The following CIITA variants were observed in gnomAD, a reference collection of about 807,000 sequenced individuals.
The protein encoded by CIITA is MHC class II transactivator.
Under a neutral mutation model 115.1 loss-of-function variants are expected in CIITA, and 72 were observed. That is an observed-to-expected ratio of 0.63 (90% CI 0.52 to 0.76). The LOEUF (loss-of-function observed/expected upper bound fraction) is 0.76, where lower values mean the gene tolerates loss of function less well. Ranked by LOEUF, CIITA falls within the 30% of genes least tolerant of loss-of-function variation. CIITA has a pLI of 0.00. For missense variants in CIITA, 1,617 were observed against 1,463.8 expected (o/e 1.10, Z -1.71); for synonymous variants, 763 against 635.6 (o/e 1.20, Z -3.02).
intron 1 of CIITA, among the ~76,000 whole-genome samples, chr16:10,891,243 G>A (rs1407560962): frequency 6.6e-6 from 1 of 151,964 alleles, no homozygotes; most frequent in Non-Finnish European, 1.5e-5. Flanking sequence ...TTTGACTGGG[G>A]GGAAAGAGCA....
At chr16:10,867,336 G>A (rs1262260050) in intron 1 of CIITA, among the ~76,000 whole-genome samples, 1 of 145,164 alleles carries the variant, frequency 6.9e-6, no homozygotes, top group African/African-American at 2.5e-5. Context: ...GGGGGGGCAT[G>A]TGTGCGTTTG....
rs2040184400 is a variant in CIITA at position 10,920,014 on chromosome 16, G to A, written c.3149+1488G>A. Among the ~76,000 whole-genome samples the A allele has an allele frequency of 6.6e-6, 1 of 152,144 alleles. No individual in the cohort carries two copies. Among genetic ancestry groups the A allele is most frequent in the African/African-American group, 2.4e-5 (1 of 41,432 alleles). On this transcript the variant is annotated intron_variant, in intron 16 of 19. Transcript: ENST00000324288. This position sits in a 1 kb window ranked among gnomAD's most constrained non-coding sequence, Gnocchi z 4.5. ...AGGAAGAAAGAACAGCAGGTGCAAA[G>A]GCCCTAAGTGGGAAAAGGGGCTGTG...
At position 10,907,634 on chromosome 16, in the gene CIITA, A is replaced by T; in HGVS notation, c.2142A>T (p.Gln714His). ...SELAFPSFLL[Q>H]CFLGALWLAL... ...TGGCCTTCCCCAGCTTCCTCCTGCAATGCTTCCTGGGGGCCCTGTGGCTGG... is the reference window on the plus strand; with the variant it reads ...TGGCCTTCCCCAGCTTCCTCCTGCATTGCTTCCTGGGGGCCCTGTGGCTGG... The change falls in exon 11 of 20, where the codon CAA (glutamine) becomes CAT (histidine). Residue 714 changes from glutamine to histidine, a missense_variant. Transcript: ENST00000324288. This position sits in a 1 kb window ranked among gnomAD's most constrained non-coding sequence, Gnocchi z 5.0. The T allele has an allele frequency of 6.2e-7, 1 of 1,614,186 alleles. No individual in the cohort carries two copies.
intron 13 of CIITA, among the ~76,000 whole-genome samples, chr16:10,912,674 G>A (rs973134078): frequency 1.3e-5 from 2 of 152,188 alleles, no homozygotes; most frequent in Non-Finnish European, 2.9e-5. Flanking sequence ...TAAAAATGAT[G>A]CTGAAAAGGG....
rs536993109 is a variant in CIITA at position 10,924,881 on chromosome 16, G to A, written c.*1026G>A. 6.6e-6 allele frequency: 1 copy of A among 152,240 alleles called. No individual in the cohort carries two copies. The allele number at this position is 152,240 out of a possible 1,614,324, so 9.4% of individuals were successfully genotyped here. The stretch of plus-strand genomic sequence containing the variant: ...AATGTCACAGGCAGGTCCAGGGTTT[G>A]AGTTCATACCCTGTTACCATTTTGG... On this transcript the variant is annotated 3_prime_UTR_variant, in exon 20 of 20. Transcript: ENST00000324288.
downstream of CIITA, chr16:10,936,567 C>T (rs1196848237): frequency 6.6e-6 from 1 of 152,210 alleles, no homozygotes; most frequent in African/African-American, 2.4e-5. Flanking sequence ...GCTCTTGCAA[C>T]TTTTCTGTAA....
upstream of CIITA, chr16:10,877,163 G>A (rs199476059): frequency 5.8e-6 from 4 of 690,146 alleles, no homozygotes; most frequent in East Asian, 1.1e-4. Flanking sequence ...TTCTTTGCAT[G>A]TTGGCTTAGC....
Position 10,925,176 on chromosome 16 carries a change from C to T in CIITA, c.*1321C>T, listed in dbSNP as rs2145208075. The stretch of plus-strand genomic sequence containing the variant: ...ACTACGGAATAGTTGGCTAGGACCC[C>T]TCCATGTGGGCTAGTTGGGCTTCCT... On this transcript the variant is annotated 3_prime_UTR_variant, in exon 20 of 20. Coordinates refer to ENST00000324288, the MANE Select transcript of CIITA (RefSeq NM_000246.4). 1 of 152,332 alleles carries T rather than the reference C, an allele frequency of 6.6e-6. No individual in the cohort carries two copies. Among genetic ancestry groups the T allele is most frequent in the Admixed American group, 6.5e-5 (1 of 15,294 alleles). 9.4% of individuals were successfully genotyped at this position (152,332 alleles called of 1,614,324 possible).
At position 10,918,408 on chromosome 16, in the gene CIITA, C is replaced by G. The variant is rs376802933; in HGVS notation, c.3063-32C>G. 13 of 1,600,808 alleles carry G rather than the reference C, an allele frequency of 8.1e-6. No homozygotes were observed. In the African/African-American group the frequency reaches 1.5e-4, roughly 18 times the overall value. Reference sequence around the variant, plus strand: ...TCAAAGTGAGGCATGCAAGTTTGGTCCTGAGCCCTCCCCCTCACTGTGTCC... The same window carrying G: ...TCAAAGTGAGGCATGCAAGTTTGGTGCTGAGCCCTCCCCCTCACTGTGTCC... On this transcript the variant is annotated intron_variant, in intron 15 of 19. Coordinates refer to ENST00000324288, the MANE Select transcript of CIITA (RefSeq NM_000246.4).
At chr16:10,867,905 A>G (rs1381187936) in intron 1 of CIITA, among the ~76,000 whole-genome samples, 2 of 151,780 alleles carry the variant, frequency 1.3e-5, no homozygotes, top group Non-Finnish European at 2.9e-5. Flanking sequence ...ACAGGCATGC[A>G]CCACTATGCC....
At chr16:10,870,816 C>T (rs920654384) in intron 1 of CIITA, among the ~76,000 whole-genome samples, 1 of 152,162 alleles carries the variant, frequency 6.6e-6, no homozygotes, top group Non-Finnish European at 1.5e-5. Context: ...CATTAGGTCG[C>T]ACTGTATAAA....
downstream of CIITA, chr16:10,939,758 A>G (rs1379721012): frequency 6.6e-6 from 1 of 152,264 alleles, no homozygotes; most frequent in Non-Finnish European, 1.5e-5. The surrounding 1 kb of genome is among the most constrained non-coding windows in gnomAD (Gnocchi z 4.9). Flanking sequence ...TGTTGAGGAC[A>G]TGGCAGTGAA....
At chr16:10,899,996 G>A (rs544948160) in intron 5 of CIITA, among the ~76,000 whole-genome samples, 6 of 152,160 alleles carry the variant, frequency 3.9e-5, no homozygotes, top group South Asian at 4.2e-4. Flanking sequence ...CAGGAGAATC[G>A]CTTGAACCCA....
rs572125056 is a variant in CIITA, at chr16:10,866,562, T to C, written c.-21+243T>C. 5.3e-4 allele frequency: 288 copies of C among 541,634 alleles called. 3 individuals are homozygous for C. Among genetic ancestry groups the C allele is most frequent in the South Asian group, 3.4e-3 (237 of 70,242 alleles). The allele number at this position is 541,634 out of a possible 1,614,324, so 33.6% of individuals were successfully genotyped here. ...CAGCCGAGAGGGGCCCCGGCCACAG[T>C]GACCATGGTGGTAAGTTGGCATCAC... On this transcript the variant is annotated intron_variant, in intron 1 of 5. Coordinates refer to the CIITA transcript ENST00000636238.
intron 1 of CIITA, among the ~76,000 whole-genome samples, chr16:10,877,810 GTGTAGC>G: frequency 6.6e-6 from 1 of 152,196 alleles, no homozygotes; most frequent in African/African-American, 2.4e-5. Flanking sequence ...CAGCCTTGAG[GTGTAGC>G]TGTTGAGCCC....
intron 1 of CIITA, among the ~76,000 whole-genome samples, chr16:10,870,537 C>T (rs574408612): frequency 9.1e-4 from 138 of 152,278 alleles, no homozygotes; most frequent in African/African-American, 3.2e-3. Context: ...GTCACAACAT[C>T]TGAACAACAT....
intron 1 of CIITA, among the ~76,000 whole-genome samples, chr16:10,871,537 G>C (rs1372810614): frequency 1.3e-5 from 2 of 152,154 alleles, no homozygotes; most frequent in Non-Finnish European, 2.9e-5. Flanking sequence ...CAGAACAAAG[G>C]CTCCCTCTGG....
At chr16:10,939,207 T>G (rs1555512254), downstream of CIITA, 1 of 152,278 alleles carries the variant, frequency 6.6e-6, no homozygotes, top group Non-Finnish European at 1.5e-5. The surrounding 1 kb of genome is among the most constrained non-coding windows in gnomAD (Gnocchi z 4.9). Context: ...TTCATGTTTC[T>G]CTATCTTCAC....
rs901729238 is a variant in CIITA, at chr16:10,906,928, C to A, written c.1436C>A (p.Ala479Glu). ...TCCCTGGGCCCACAGCCACTCGTGG[C>A]GGCCGATGAGGTTTTCAGCCACATC... The part of the protein sequence containing the change: ...LFSLGPQPLV[A>E]ADEVFSHILK... The change falls in exon 11 of 20, where the codon GCG becomes GAG. Residue 479 changes from alanine to glutamate, a missense_variant. Transcript: ENST00000324288. 33 of 1,613,330 alleles carry A rather than the reference C, an allele frequency of 2.0e-5. No individual in the cohort carries two copies. The highest frequency in any genetic ancestry group is 2.7e-5 in the Non-Finnish European group (32 of 1,180,028).
Sources: gnomAD v4.1 joint callset for allele counts (sites outside exome capture counted in the v4.1 genomes callset) on GRCh38, gnomAD v4.1.1 for gene constraint, Gnocchi (gnomAD v3.1) non-coding constraint, MANE v1.5 for transcripts, NCBI Gene and HGNC (gene_info 2026-07-23, HGNC 2026-07-21) for gene names.